The following GALNT9 variants were observed in gnomAD, a reference collection of about 807,000 sequenced individuals.
GALNT9 encodes polypeptide N-acetylgalactosaminyltransferase 9.
Under a neutral mutation model 63.1 loss-of-function variants are expected in GALNT9, and 47 were observed. The observed-to-expected ratio is 0.75, with a 90% CI of 0.59 to 0.95. The LOEUF (loss-of-function observed/expected upper bound fraction) is 0.95, where lower values mean the gene tolerates loss of function less well. Among genes scored for constraint, GALNT9 ranks in the 40% least tolerant of loss-of-function variants. The pLI, the probability that GALNT9 is intolerant of heterozygous loss-of-function variation, is 0.00. For synonymous variants in GALNT9, 396 were observed against 365.7 expected (o/e 1.08, Z -0.94); for missense variants, 829 against 874.8 (o/e 0.95, Z 0.66).
Position 132,208,347 on chromosome 12 carries a change from G to T in GALNT9, c.1078-4657C>A, listed in dbSNP as rs549412430. ...GATCAGGTGAAGGAGGCCGGAGCCC[G>T]GCTGGCACTCTGCACTGAGAGCAAC... On this transcript the variant is annotated intron_variant, in intron 6 of 10. Coordinates refer to ENST00000328957, the MANE Select transcript of GALNT9 (RefSeq NM_001122636.2). Among the ~76,000 whole-genome samples the T allele has an allele frequency of 7.9e-5, 12 of 152,322 alleles. No homozygotes were observed. The East Asian group carries it at 1.2e-3, about 15-fold the overall frequency.
At position 132,262,478 on chromosome 12, in the gene GALNT9, C is replaced by G; in HGVS notation, c.567G>C (p.Val189=). The G allele has an allele frequency of 6.4e-7, 1 of 1,550,712 alleles. No individual in the cohort carries two copies. The highest frequency in any genetic ancestry group is 8.7e-7 in the Non-Finnish European group (1 of 1,146,592). Residue 189 remains valine, a synonymous_variant, in exon 3 of 11, where the codon GTG becomes GTC. Coordinates refer to ENST00000328957, the MANE Select transcript of GALNT9 (RefSeq NM_001122636.2). ...PSQLLKEVIL[V]DDNSDNVELK... ...ACTCACCGTTGTCACTGTTGTCGTC[C>G]ACCAGGATGACCTCCTTGAGGAGCT...
chr12:132,252,979 G>T lies in GALNT9; in HGVS notation c.959+4710C>A, dbSNP rs1226884939. ...GACGAGGGGGCAGGGTAAGGAGGGT[G>T]AATCTTCTAAGTGATTGACAAGGTG... On this transcript the variant is annotated intron_variant, in intron 5 of 10. Coordinates refer to ENST00000328957, the MANE Select transcript of GALNT9 (RefSeq NM_001122636.2). This position sits in a 1 kb window ranked among gnomAD's most constrained non-coding sequence, Gnocchi z 5.2. Among the ~76,000 whole-genome samples the T allele has an allele frequency of 1.3e-5, 2 of 152,134 alleles. No individual in the cohort carries two copies. Among genetic ancestry groups the T allele is most frequent in the African/African-American group, 4.8e-5 (2 of 41,400 alleles).
chr12:132,201,337 G>A (rs1593461913), intron 7 of GALNT9, 76 bp from the exon 8 acceptor site: 4 of 1,020,056 alleles, frequency 3.9e-6, no homozygotes, highest in East Asian at 4.9e-5. Context: ...GAGGTTGGGG[G>A]TCTCCAGGGA....
chr12:132,307,973 C>T (rs1280872581), intron 1 of GALNT9, among the ~76,000 whole-genome samples: 4 of 149,518 alleles, frequency 2.7e-5, no homozygotes, highest in African/African-American at 9.9e-5. Flanking sequence ...GAGGCTGTGG[C>T]TGCAGTGAGC....
intron 6 of GALNT9, among the ~76,000 whole-genome samples, chr12:132,208,872 G>A (rs550378613): frequency 6.6e-6 from 1 of 152,304 alleles, no homozygotes; most frequent in South Asian, 2.1e-4. Context: ...TGGCTTCCTT[G>A]CATGCAGCAC....
chr12:132,266,880 C>T (rs1293882010), intron 2 of GALNT9, among the ~76,000 whole-genome samples: 25 of 152,024 alleles, frequency 1.6e-4, no homozygotes, highest in African/African-American at 5.1e-4. Flanking sequence ...GGGTCCTGAG[C>T]CTCTGTCATT....
At chr12:132,201,871 C>T (rs1037000134) in intron 7 of GALNT9, among the ~76,000 whole-genome samples, 1 of 152,172 alleles carries the variant, frequency 6.6e-6, no homozygotes, top group African/African-American at 2.4e-5. Context: ...CAGCCGAGTG[C>T]GGTGTCTGTG....
At chr12:132,267,095 G>A (rs1282225005) in intron 2 of GALNT9, among the ~76,000 whole-genome samples, 1 of 152,194 alleles carries the variant, frequency 6.6e-6, no homozygotes, top group Non-Finnish European at 1.5e-5. Context: ...GCATGTGGGC[G>A]CAGAGAGGGA....
chr12:132,324,159 C>T (rs1334905366), intron 1 of GALNT9, among the ~76,000 whole-genome samples: 1 of 152,222 alleles, frequency 6.6e-6, no homozygotes, highest in Non-Finnish European at 1.5e-5. Context: ...GAAACGCTTA[C>T]GCAGAGCAGA....
chr12:132,252,337 T>C lies in GALNT9; in HGVS notation c.960-4310A>G, dbSNP rs1183770484. Among the ~76,000 whole-genome samples, 3 of 152,238 alleles carry C rather than the reference T, an allele frequency of 2.0e-5. No homozygotes were observed. The highest frequency in any genetic ancestry group is 6.5e-5 in the Admixed American group (1 of 15,286). ...CCCCGCCACGACTGAAGCCTTCGTG[T>C]CTTGCGGACGCCGACACTGACATTT... On this transcript the variant is annotated intron_variant, in intron 5 of 10. Coordinates refer to ENST00000328957, the MANE Select transcript of GALNT9 (RefSeq NM_001122636.2). The surrounding 1 kb of genome is among the most constrained non-coding windows in gnomAD (Gnocchi z 5.2).
intron 4 of GALNT9, among the ~76,000 whole-genome samples, chr12:132,259,403 G>A (rs1555239489): frequency 6.6e-6 from 1 of 152,216 alleles, no homozygotes; most frequent in African/African-American, 2.4e-5. Flanking sequence ...ATTGTGGGGG[G>A]CAGACAGTGG....
intron 5 of GALNT9, among the ~76,000 whole-genome samples, chr12:132,250,519 G>A (rs1038750431): frequency 2.0e-5 from 3 of 152,260 alleles, no homozygotes; most frequent in Non-Finnish European, 2.9e-5. Context: ...GCCGGGCACA[G>A]TGGCTCACGC....
intron 1 of GALNT9, among the ~76,000 whole-genome samples, chr12:132,324,167 A>G (rs904944596): frequency 6.6e-6 from 1 of 152,254 alleles, no homozygotes; most frequent in Non-Finnish European, 1.5e-5. Context: ...TACGCAGAGC[A>G]GAGCAGACGC....
In GALNT9 at chr12:132,196,964, A is replaced by T; in HGVS notation, c.*143T>A. On this transcript the variant is annotated 3_prime_UTR_variant, in exon 11 of 11. Coordinates refer to ENST00000328957, the MANE Select transcript of GALNT9 (RefSeq NM_001122636.2). ...GGTGACACCCTGGTCACTCAGCCAC[A>T]CCCCGGCCCCTCAGCCTCTGCTGTC... is the stretch of plus-strand genomic sequence containing the variant. 6.7e-7 allele frequency: 1 copy of T among 1,488,154 alleles called. No individual in the cohort carries two copies. The highest frequency in any genetic ancestry group is 8.9e-7 in the Non-Finnish European group (1 of 1,124,052). The allele number at this position is 1,488,154 out of a possible 1,614,324, so 92.2% of individuals were successfully genotyped here.
At chr12:132,247,797 C>T in intron 6 of GALNT9, 113 bp downstream of exon 6, 1 of 1,487,538 alleles carries the variant, frequency 6.7e-7, no homozygotes, top group Admixed American at 2.0e-5. Context: ...TGCAGCCACA[C>T]TCGCCCTCAC....
intron 6 of GALNT9, among the ~76,000 whole-genome samples, chr12:132,206,624 G>A (rs1316272848): frequency 6.7e-6 from 1 of 149,318 alleles, no homozygotes; most frequent in African/African-American, 2.5e-5. Flanking sequence ...TGCAGCCTGG[G>A]CGACAGAGCG....
At chr12:132,197,311 C>A (rs1436573245) in intron 10 of GALNT9, 58 bp from the exon 11 acceptor site, 5 of 1,589,344 alleles carry the variant, frequency 3.1e-6, no homozygotes, top group South Asian at 1.1e-5. Context: ...CCCCCTCCCC[C>A]CACCTCAGGG....
chr12:132,209,920 CTTCAT>C (rs1876881449), intron 6 of GALNT9, among the ~76,000 whole-genome samples: 1 of 152,226 alleles, frequency 6.6e-6, no homozygotes, highest in Non-Finnish European at 1.5e-5. Context: ...CTTCTCTTTA[CTTCAT>C]TTCTTTACTT....
chr12:132,210,975 A>T (rs1876935362), intron 6 of GALNT9, among the ~76,000 whole-genome samples: 1 of 151,844 alleles, frequency 6.6e-6, no homozygotes, highest in African/African-American at 2.4e-5. Context: ...ATCACACTTG[A>T]GAGGTGCGCT....
Sources: allele counts gnomAD v4.1 joint callset (sites outside exome capture counted in the v4.1 genomes callset), GRCh38; gene constraint gnomAD v4.1.1; non-coding constraint Gnocchi (gnomAD v3.1); transcripts MANE v1.5; gene names NCBI Gene and HGNC (gene_info 2026-07-23, HGNC 2026-07-21).